The following DCC variants were observed in gnomAD, a reference collection of about 807,000 sequenced individuals.
The protein encoded by DCC is netrin receptor DCC.
DCC carries 58 observed loss-of-function variants against 172.5 expected under a neutral mutation model. That is an observed-to-expected ratio of 0.34 (90% confidence interval 0.27 to 0.42). The LOEUF (loss-of-function observed/expected upper bound fraction) is 0.42, where lower values mean the gene tolerates loss of function less well. Among genes scored for constraint, DCC ranks in the 10% least tolerant of loss-of-function variants. The pLI is 1.00. For synonymous variants in DCC, 709 were observed against 644.5 expected (o/e 1.10, Z -1.52); for missense variants, 1,740 against 1,791.0 (o/e 0.97, Z 0.51).
intron 1 of DCC, chr18:52,419,565 TA>T: frequency 6.6e-6 from 1 of 152,232 alleles, no homozygotes; most frequent in Non-Finnish European, 1.5e-5. Context: ...ACTATAACGT[TA>T]AAGAAGAAAG....
chr18:53,455,490 G>T lies in DCC; in HGVS notation c.3393-3742G>T, dbSNP rs377304515. Among the ~76,000 whole-genome samples the T allele has an allele frequency of 6.6e-5, 10 of 152,246 alleles. No homozygotes were observed. In the East Asian group the frequency reaches 1.5e-3, roughly 23 times the overall value. On this transcript the variant is annotated intron_variant, in intron 23 of 28. Transcript: ENST00000442544. ...AAAAAAACTCCCCTTACAGTAATAG[G>T]TTATGCATAAAGTAAGGAATGGGTA...
intron 5 of DCC, among the ~76,000 whole-genome samples, chr18:53,043,549 C>T (rs2042197951): frequency 6.6e-6 from 1 of 151,830 alleles, no homozygotes; most frequent in Non-Finnish European, 1.5e-5. Context: ...AAGCCTAGTT[C>T]CCTGAATAAG....
chr18:52,435,867 AG>A (rs1481701169), intron 1 of DCC, among the ~76,000 whole-genome samples: 2 of 152,166 alleles, frequency 1.3e-5, no homozygotes, highest in Non-Finnish European at 2.9e-5. Context: ...GCACCTGCCC[AG>A]GGGGAGATCT....
chr18:52,792,037 G>A (rs1372526530), intron 2 of DCC, among the ~76,000 whole-genome samples: 1 of 152,076 alleles, frequency 6.6e-6, no homozygotes, highest in East Asian at 1.9e-4. Flanking sequence ...GAAGAGGGGT[G>A]CAATAAGGGC....
At chr18:53,037,214 T>C (rs925056928) in intron 5 of DCC, among the ~76,000 whole-genome samples, 31 of 152,016 alleles carry the variant, frequency 2.0e-4, no homozygotes, top group Non-Finnish European at 1.0e-4. Flanking sequence ...CGTTTCTTTG[T>C]GTTCTAATTT....
At chr18:53,203,394 T>C (rs2055574953) in intron 9 of DCC, among the ~76,000 whole-genome samples, 1 of 152,072 alleles carries the variant, frequency 6.6e-6, no homozygotes, top group Admixed American at 6.6e-5. Flanking sequence ...AATACCTTTT[T>C]AATGGCAAGA....
At chr18:52,719,351 A>G (rs1193460610) in intron 1 of DCC, among the ~76,000 whole-genome samples, 3 of 152,182 alleles carry the variant, frequency 2.0e-5, no homozygotes, top group Non-Finnish European at 2.9e-5. Flanking sequence ...AAAAAAATCA[A>G]CATTAAAAAC....
At chr18:52,390,189 T>A (rs1342868567) in intron 1 of DCC, among the ~76,000 whole-genome samples, 1 of 152,118 alleles carries the variant, frequency 6.6e-6, no homozygotes, top group African/African-American at 2.4e-5. Flanking sequence ...GGTTGTTGGC[T>A]CTCCCACAAA....
chr18:53,310,227 T>C (rs2144795782), intron 13 of DCC, among the ~76,000 whole-genome samples: 1 of 152,074 alleles, frequency 6.6e-6, no homozygotes, highest in Non-Finnish European at 1.5e-5. Context: ...GTCCCCAGGA[T>C]ATATATAGCA....
chr18:53,431,285 T>A (rs1911594960), intron 21 of DCC, among the ~76,000 whole-genome samples: 2 of 152,006 alleles, frequency 1.3e-5, no homozygotes, highest in Middle Eastern at 3.4e-3. Flanking sequence ...AAGCTTTTTT[T>A]TTTTTTATGA....
At chr18:52,582,237 T>G (rs1463169245) in intron 1 of DCC, among the ~76,000 whole-genome samples, 5 of 152,218 alleles carry the variant, frequency 3.3e-5, no homozygotes, top group Non-Finnish European at 7.4e-5. Context: ...AGCTAATTAA[T>G]GAAGGACATT....
chr18:53,301,701 G>A (rs1239389151), intron 12 of DCC, among the ~76,000 whole-genome samples: 1 of 151,476 alleles, frequency 6.6e-6, no homozygotes, highest in Admixed American at 6.6e-5. Flanking sequence ...TTCATCATTT[G>A]TAGATATCAT....
intron 1 of DCC, among the ~76,000 whole-genome samples, chr18:52,452,449 G>A (rs1275476868): frequency 6.6e-6 from 1 of 151,806 alleles, no homozygotes; most frequent in African/African-American, 2.4e-5. Context: ...TTCCATTATC[G>A]TCCTTGATAT....
chr18:52,973,169 T>C (rs2041058994), intron 5 of DCC, among the ~76,000 whole-genome samples: 1 of 152,340 alleles, frequency 6.6e-6, no homozygotes, highest in Non-Finnish European at 1.5e-5. Flanking sequence ...TCTTTCTTTA[T>C]CTAGATCTTT....
At chr18:52,706,932 C>T (rs1294602926) in intron 1 of DCC, among the ~76,000 whole-genome samples, 1 of 152,056 alleles carries the variant, frequency 6.6e-6, no homozygotes, top group Non-Finnish European at 1.5e-5. Context: ...GAGGCAATAT[C>T]TAAGCTGAAA....
chr18:52,719,801 C>T (rs938362457), intron 1 of DCC, among the ~76,000 whole-genome samples: 3 of 152,066 alleles, frequency 2.0e-5, no homozygotes, highest in Non-Finnish European at 2.9e-5. Flanking sequence ...GAATAACACT[C>T]CAGGTAGGCA....
At chr18:53,146,965 G>T (rs925759532) in intron 7 of DCC, among the ~76,000 whole-genome samples, 4 of 152,008 alleles carry the variant, frequency 2.6e-5, no homozygotes, top group African/African-American at 9.7e-5. Context: ...CTTTTAAAAA[G>T]ACCCATCTTT....
At chr18:53,371,779 A>G (rs1313407216) in intron 15 of DCC, among the ~76,000 whole-genome samples, 1 of 151,996 alleles carries the variant, frequency 6.6e-6, no homozygotes, top group Non-Finnish European at 1.5e-5. Flanking sequence ...TACAAGAAAA[A>G]AAGCCCATTA....
intron 2 of DCC, among the ~76,000 whole-genome samples, chr18:52,841,458 T>C (rs2038805676): frequency 6.6e-6 from 1 of 152,114 alleles, no homozygotes; most frequent in Non-Finnish European, 1.5e-5. Context: ...AGATCCTAAA[T>C]TGAATACCAG....
Sources: allele counts gnomAD v4.1 joint callset (sites outside exome capture counted in the v4.1 genomes callset), GRCh38; gene constraint gnomAD v4.1.1; transcripts MANE v1.5; gene names NCBI Gene and HGNC (gene_info 2026-07-23, HGNC 2026-07-21).